Variants in DAB1 observed in about 807,000 individuals in gnomAD.
DAB1 encodes the protein DAB adaptor protein 1.
In DAB1, 15 loss-of-function variants were observed where a neutral mutation model predicts 64.6. The ratio of observed to expected loss-of-function variants is 0.23; its 90% CI spans 0.16 to 0.36. DAB1 has a LOEUF of 0.36. DAB1 is among the 10% of genes least tolerant of loss of function. The probability of loss-of-function intolerance (pLI) is 1.00; values close to 1 mark genes in which losing one functional copy is unlikely to be tolerated. For synonymous variants in DAB1, 235 were observed against 251.9 expected, an observed-to-expected ratio of 0.93 and a Z score of 0.64; for missense variants, 596 against 706.7, an observed-to-expected ratio of 0.84 and a Z score of 1.78.
intron 2 of DAB1, among the ~76,000 whole-genome samples, chr1:57,153,782 C>T (rs948453832): frequency 2.0e-4 from 31 of 152,080 alleles, no homozygotes; most frequent in Admixed American, 3.9e-4. Flanking sequence ...GGATTACAGG[C>T]GACCGCCACC....
chr1:58,461,972 T>C (rs920392989), intron 3 of DAB1, among the ~76,000 whole-genome samples: 1 of 152,182 alleles, frequency 6.6e-6, no homozygotes, highest in African/African-American at 2.4e-5. Flanking sequence ...CTCTCCCTTG[T>C]ATGCTACAGT....
chr1:57,474,728 G>A (rs1643913641), intron 7 of DAB1, among the ~76,000 whole-genome samples: 1 of 152,168 alleles, frequency 6.6e-6, no homozygotes. Flanking sequence ...CAAAATATTA[G>A]TTTTTATCCT....
chr1:57,588,418 C>A (rs892742006), intron 7 of DAB1, among the ~76,000 whole-genome samples: 1 of 152,132 alleles, frequency 6.6e-6, no homozygotes, highest in African/African-American at 2.4e-5. Context: ...CTTAGGACAT[C>A]CACATTACTA....
chr1:57,899,426 C>A (rs766411706), intron 5 of DAB1, among the ~76,000 whole-genome samples: 1 of 152,100 alleles, frequency 6.6e-6, no homozygotes, highest in Non-Finnish European at 1.5e-5. Flanking sequence ...GGAACTCTGT[C>A]TCTAAAACCA....
intron 6 of DAB1, among the ~76,000 whole-genome samples, chr1:57,711,356 A>G (rs528248255): frequency 1.1e-4 from 17 of 152,338 alleles, no homozygotes; most frequent in African/African-American, 4.1e-4. Flanking sequence ...GGTGGTTTCA[A>G]TCCCTCCCTT....
At chr1:58,111,448 T>C (rs1389690843) in intron 5 of DAB1, among the ~76,000 whole-genome samples, 1 of 152,236 alleles carries the variant, frequency 6.6e-6, no homozygotes, top group Non-Finnish European at 1.5e-5. Context: ...GCCTTGAATA[T>C]GCTATTTGCT....
chr1:58,147,135 C>T (rs745337311), intron 5 of DAB1, among the ~76,000 whole-genome samples: 2 of 151,468 alleles, frequency 1.3e-5, no homozygotes, highest in African/African-American at 4.9e-5. Flanking sequence ...GGTGAAACCC[C>T]GTCTCTACTA....
chr1:58,481,202 T>C, intron 3 of DAB1: 1 of 722,086 alleles, frequency 1.4e-6, no homozygotes, highest in South Asian at 1.8e-5. Context: ...AATAAAAAAA[T>C]ACTATATATA....
chr1:58,040,560 T>G (rs1313562651), intron 5 of DAB1, among the ~76,000 whole-genome samples: 1 of 152,232 alleles, frequency 6.6e-6, no homozygotes, highest in East Asian at 1.9e-4. Flanking sequence ...ATAAAATGAC[T>G]CCCAACTTTT....
intron 5 of DAB1, among the ~76,000 whole-genome samples, chr1:57,979,815 AT>A (rs748113274): frequency 6.6e-6 from 1 of 152,202 alleles, no homozygotes; most frequent in Non-Finnish European, 1.5e-5. Flanking sequence ...CACTCAATAC[AT>A]TTTGATTCCC....
chr1:58,333,192 C>T (rs1393533763), intron 4 of DAB1, among the ~76,000 whole-genome samples: 2 of 152,152 alleles, frequency 1.3e-5, no homozygotes, highest in Non-Finnish European at 2.9e-5. Flanking sequence ...CTCCTAGTCC[C>T]AGTTCTAAAA....
intron 6 of DAB1, among the ~76,000 whole-genome samples, chr1:57,695,352 GAAAAGAAAGAAGAAAGA>G (rs1646819151): frequency 2.1e-4 from 11 of 52,970 alleles, no homozygotes; most frequent in Non-Finnish European, 1.2e-4. Context: ...AAGAAAGAAA[GAAAAGAAAGAAGAAAGA>G]AAGAAAGAAA....
intron 5 of DAB1, among the ~76,000 whole-genome samples, chr1:58,107,918 A>G (rs1265087493): frequency 6.6e-6 from 1 of 152,088 alleles, no homozygotes; most frequent in Non-Finnish European, 1.5e-5. Context: ...CACCCAGCCA[A>G]GCTAGCATGT....
At chr1:57,358,433 C>G (rs1679293186) in intron 1 of DAB1, among the ~76,000 whole-genome samples, 1 of 151,858 alleles carries the variant, frequency 6.6e-6, no homozygotes, top group Non-Finnish European at 1.5e-5. Context: ...CATTCTGTTA[C>G]AGTGGTGTAT....
Position 57,389,842 on chromosome 1 carries a change from A to T in DAB1, c.-137+34088T>A, listed in dbSNP as rs191183231. ...AACTCCCCCCATAGAAACAAGCTTG[A>T]TAACAAAAATAACTGTAATAGCTAA... is the stretch of plus-strand genomic sequence containing the variant. On this transcript the variant is annotated intron_variant, in intron 1 of 14. Coordinates refer to ENST00000371236, the MANE Select transcript of DAB1 (RefSeq NM_001365792.1). 2.0e-5 allele frequency among the ~76,000 whole-genome samples: 3 copies of T among 152,328 alleles called. No individual in the cohort carries two copies. The East Asian group carries it at 5.8e-4, about 29-fold the overall frequency.
intron 6 of DAB1, among the ~76,000 whole-genome samples, chr1:57,702,708 T>G (rs1557432278): frequency 6.6e-6 from 1 of 152,160 alleles, no homozygotes; most frequent in Non-Finnish European, 1.5e-5. Flanking sequence ...ATTTTTGAAT[T>G]AGTTTTTAGA....
intron 4 of DAB1, among the ~76,000 whole-genome samples, chr1:58,334,120 GTGACATATC>G (rs997009154): frequency 2.0e-5 from 3 of 152,150 alleles, no homozygotes; most frequent in African/African-American, 7.2e-5. Flanking sequence ...GCTTGGCCAT[GTGACATATC>G]TTGACCAATG....
chr1:57,012,770 C>CT (rs1381552691), intron 12 of DAB1, among the ~76,000 whole-genome samples: 1 of 152,166 alleles, frequency 6.6e-6, no homozygotes, highest in East Asian at 1.9e-4. Context: ...TAAATATTAG[C>CT]TTAATTAGAT....
chr1:57,224,286 T>G (rs1667099297), intron 2 of DAB1, among the ~76,000 whole-genome samples: 3 of 152,142 alleles, frequency 2.0e-5, no homozygotes, highest in African/African-American at 7.2e-5. Flanking sequence ...AGCCCTTAAT[T>G]AATCTCATTT....
Sources: allele counts gnomAD v4.1 joint callset (sites outside exome capture counted in the v4.1 genomes callset), GRCh38; gene constraint gnomAD v4.1.1; transcripts MANE v1.5; gene names NCBI Gene and HGNC (gene_info 2026-07-23, HGNC 2026-07-21).